The following CD63 variants were observed in gnomAD, a reference collection of about 807,000 sequenced individuals.
The protein encoded by CD63 is CD63 antigen.
A neutral mutation model predicts 29.2 loss-of-function variants in CD63; 16 were observed. The observed-to-expected ratio is 0.55, with a 90% CI of 0.37 to 0.83. CD63 has a LOEUF of 0.83. CD63 is among the 40% of genes least tolerant of loss of function. CD63 has a pLI of 0.00. For missense variants in CD63, 251 were observed against 297.3 expected, an observed-to-expected ratio of 0.84 and a Z score of 1.15; for synonymous variants, 118 against 111.7, an observed-to-expected ratio of 1.06 and a Z score of -0.36.
intron 5 of CD63, 26 bp downstream of exon 5, chr12:55,726,674 C>T (rs146367488): frequency 2.5e-6 from 4 of 1,572,934 alleles, no homozygotes; most frequent in South Asian, 1.1e-5. Flanking sequence ...ATTCCCACCA[C>T]CCCTGCTCCC....
At chr12:55,729,141 G>A (rs1407905373), upstream of CD63, 1 of 985,126 alleles carries the variant, frequency 1.0e-6, no homozygotes, top group Non-Finnish European at 1.2e-6. Context: ...CTGAGTCACT[G>A]GGCCCGGCGC....
upstream of CD63, chr12:55,729,384 G>C (rs1377975145): frequency 6.5e-6 from 1 of 153,738 alleles, no homozygotes; most frequent in Non-Finnish European, 1.4e-5. Context: ...CTGAGCGCCG[G>C]GGCGGAGAGC....
At chr12:55,729,629 C>G (rs533189403), upstream of CD63, 1 of 152,324 alleles carries the variant, frequency 6.6e-6, no homozygotes, top group African/African-American at 2.4e-5. Context: ...ATTTCTGGCC[C>G]CCCTCTATTA....
chr12:55,726,672 C>T, intron 5 of CD63, 28 bp downstream of exon 5: 1 of 1,562,640 alleles, frequency 6.4e-7, no homozygotes, highest in Non-Finnish European at 8.8e-7. Flanking sequence ...CTATTCCCAC[C>T]ACCCCTGCTC....
Position 55,728,276 on chromosome 12 carries a change from G to A in CD63, c.66C>T (p.Cys22=). Residue 22 remains cysteine (C), a splice_region_variant and synonymous_variant, in exon 2 of 8, where the codon TGC becomes TGT. Coordinates refer to ENST00000257857, the MANE Select transcript of CD63 (RefSeq NM_001780.6). This position sits in a 1 kb window ranked among gnomAD's most constrained non-coding sequence, Gnocchi z 4.8. ...CCCCCCAGGACCCCTCGCCACTCAC[G>A]CAAAAGGCCAGCAGGAGGACGTAGA... ...FLLYVLLLAF[C]ACAVGLIAVG... 1 of 1,608,918 alleles carries A rather than the reference G, an allele frequency of 6.2e-7. No individual in the cohort carries two copies. Among genetic ancestry groups the A allele is most frequent in the Non-Finnish European group, 8.5e-7 (1 of 1,177,998 alleles).
chr12:55,723,955 C>A (rs750411725), downstream of CD63: 2 of 1,614,154 alleles, frequency 1.2e-6, no homozygotes, highest in South Asian at 2.2e-5. Flanking sequence ...CCCCTGTGAC[C>A]AACCTGGAGA....
Position 55,728,330 on chromosome 12 carries a change from T to C in CD63, c.12A>G (p.Glu4=). 1 of 1,610,598 alleles carries C rather than the reference T, an allele frequency of 6.2e-7. No individual in the cohort carries two copies. Among genetic ancestry groups the C allele is most frequent in the Non-Finnish European group, 8.5e-7 (1 of 1,179,114 alleles). The change falls in exon 2 of 8, where the codon GAA becomes GAG. Residue 4 remains glutamate (E), a synonymous_variant. Coordinates refer to ENST00000257857, the MANE Select transcript of CD63 (RefSeq NM_001780.6). This position sits in a 1 kb window ranked among gnomAD's most constrained non-coding sequence, Gnocchi z 4.8. MAV[E]GGMKCVKFLL... is the part of the protein sequence containing the mutation. ...AGAACTTCACACATTTCATTCCTCCTTCCACCGCCATGGCTGCCGGGCCTG... is the reference window on the plus strand; with the variant it reads ...AGAACTTCACACATTTCATTCCTCCCTCCACCGCCATGGCTGCCGGGCCTG...
chr12:55,727,851 A>G, intron 2 of CD63: 1 of 1,059,394 alleles, frequency 9.4e-7, no homozygotes, highest in Non-Finnish European at 1.1e-6. Flanking sequence ...AAGTGGGCAG[A>G]GCCCTTCCTC....
intron 7 of CD63, 29 bp from the exon 8 acceptor site, chr12:55,725,655 AGAG>A: frequency 6.2e-7 from 1 of 1,606,968 alleles, no homozygotes; most frequent in Non-Finnish European, 8.5e-7. Flanking sequence ...ACAGGGGTGG[AGAG>A]GAGTCAGAAG....
rs1407813030 is a variant in CD63 at position 55,728,664 on chromosome 12, C to T, written c.-12+289G>A. ...AGTCTCCGGGCGTCAAACACCCTTT[C>T]CCCACCCAACACCCAGCCTGGAGAA... On this transcript the variant is annotated intron_variant, in intron 1 of 7. Coordinates refer to ENST00000257857, the MANE Select transcript of CD63 (RefSeq NM_001780.6). This position sits in a 1 kb window ranked among gnomAD's most constrained non-coding sequence, Gnocchi z 4.8. 1 of 1,239,768 alleles carries T rather than the reference C, an allele frequency of 8.1e-7. No individual in the cohort carries two copies. The allele number at this position is 1,239,768 out of a possible 1,614,324, so 76.8% of individuals were successfully genotyped here.
intron 3 of CD63, 80 bp downstream of exon 3, chr12:55,727,058 TCCTCACCCACCCA>T (rs1486315626): frequency 1.5e-5 from 23 of 1,563,366 alleles, no homozygotes; most frequent in Non-Finnish European, 1.7e-5. Flanking sequence ...ACAAAGGTCT[TCCTCACCCACCCA>T]CCTCACCCAC....
At position 55,728,700 on chromosome 12, in the gene CD63, G is replaced by GCCCAACCCCGACCCCCGC; in HGVS notation, c.-12+235_-12+252dup. ...ACCCAGCCTGGAGAAACGGTCTTCA[G>GCCCAACCCCGACCCCCGC]CCCAACCCCGACCCCCGCCCCAGCC... On this transcript the variant is annotated intron_variant, in intron 1 of 7. Coordinates refer to ENST00000257857, the MANE Select transcript of CD63 (RefSeq NM_001780.6). This position sits in a 1 kb window ranked among gnomAD's most constrained non-coding sequence, Gnocchi z 4.8. The GCCCAACCCCGACCCCCGC allele has an allele frequency of 9.1e-7, 1 of 1,101,886 alleles. No individual in the cohort carries two copies. The highest frequency in any genetic ancestry group is 1.7e-5 in the African/African-American group (1 of 59,192). 68.3% of individuals were successfully genotyped at this position (1,101,886 alleles called of 1,614,324 possible).
rs1877727483 is a variant in CD63 at position 55,728,967 on chromosome 12, G to C, written c.-26C>G. On this transcript the variant is annotated 5_prime_UTR_variant, in exon 1 of 8. Transcript: ENST00000257857. This position sits in a 1 kb window ranked among gnomAD's most constrained non-coding sequence, Gnocchi z 4.8. The stretch of plus-strand genomic sequence containing the variant: ...CGCGGCCTCACCTGGGCTTCCCAAG[G>C]CTGGCTGCGCGTTCCTCTCCCGCCG... 1.0e-6 allele frequency: 1 copy of C among 985,282 alleles called. No individual in the cohort carries two copies. The highest frequency in any genetic ancestry group is 6.2e-5 in the Admixed American group (1 of 16,230). The allele number at this position is 985,282 out of a possible 1,614,324, so 61.0% of individuals were successfully genotyped here.
At chr12:55,724,534 G>A, downstream of CD63, 2 of 1,611,248 alleles carry the variant, frequency 1.2e-6, no homozygotes, top group Non-Finnish European at 8.5e-7. Context: ...GCCTGCCCAA[G>A]CAGTCTACTG....
chr12:55,724,562 A>C, downstream of CD63: 2 of 1,604,646 alleles, frequency 1.2e-6, no homozygotes, highest in South Asian at 2.2e-5. Context: ...CCTTCCAGCA[A>C]GAGATTGTTT....
Position 55,728,327 on chromosome 12 carries a change from T to C in CD63, c.15A>G (p.Gly5=). MAVE[G]GMKCVKFLLY... ...GCAAGAACTTCACACATTTCATTCC[T>C]CCTTCCACCGCCATGGCTGCCGGGC... Residue 5 remains glycine, a synonymous_variant, in exon 2 of 8, where the codon GGA becomes GGG. Transcript: ENST00000257857. This position sits in a 1 kb window ranked among gnomAD's most constrained non-coding sequence, Gnocchi z 4.8. 1 of 1,610,544 alleles carries C rather than the reference T, an allele frequency of 6.2e-7. No homozygotes were observed. Among genetic ancestry groups the C allele is most frequent in the South Asian group, 1.1e-5 (1 of 90,276 alleles).
downstream of CD63, chr12:55,723,672 A>G (rs1020003400): frequency 1.4e-5 from 8 of 577,732 alleles, no homozygotes; most frequent in Non-Finnish European, 2.5e-5. Flanking sequence ...TAAGAAAAAA[A>G]CGTGCTGACC....
chr12:55,725,813 C>A lies in CD63; in HGVS notation c.651G>T (p.Glu217Asp). 5 of 1,613,952 alleles carry A rather than the reference C, an allele frequency of 3.1e-6. No individual in the cohort carries two copies. The highest frequency in any genetic ancestry group is 3.4e-6 in the Non-Finnish European group (4 of 1,179,858). Residue 217 changes from glutamate to aspartate, a missense_variant and splice_region_variant, in exon 7 of 8, where the codon GAG becomes GAT. Glu to Asp is a conservative substitution (Grantham distance 45, BLOSUM62 2). Coordinates refer to ENST00000257857, the MANE Select transcript of CD63 (RefSeq NM_001780.6). ...GCCCCTGCTCAGGGTTATCTCTTAC[C>A]TCGACAAAAGCAATTCCAAGGGCTG... ...AAAALGIAFVEVLGIVFACCL... is the reference protein window; with the variant it reads ...AAAALGIAFVDVLGIVFACCL...
chr12:55,729,197 C>G, upstream of CD63: 6 of 951,980 alleles, frequency 6.3e-6, no homozygotes, highest in Non-Finnish European at 7.5e-6. Context: ...GTGGCCCCTA[C>G]CCGGAAGAAG....
Sources: gnomAD v4.1 joint callset for allele counts on GRCh38, gnomAD v4.1.1 for gene constraint, Gnocchi (gnomAD v3.1) non-coding constraint, MANE v1.5 for transcripts, NCBI Gene and HGNC (gene_info 2026-07-23, HGNC 2026-07-21) for gene names.